The following CFAP70 variants were observed in gnomAD, a reference collection of about 807,000 sequenced individuals.
CFAP70 encodes the protein cilia- and flagella-associated protein 70.
In CFAP70, 81 loss-of-function variants were observed where a neutral mutation model predicts 137.6. The ratio of observed to expected loss-of-function variants is 0.59; its 90% confidence interval spans 0.49 to 0.71. The LOEUF (loss-of-function observed/expected upper bound fraction) is 0.71, where lower values mean the gene tolerates loss of function less well. Among genes scored for constraint, CFAP70 ranks in the 30% least tolerant of loss-of-function variants. The pLI, the probability that CFAP70 is intolerant of heterozygous loss-of-function variation, is 0.00. For synonymous variants in CFAP70, 382 were observed against 423.6 expected (o/e 0.90, Z 1.20); for missense variants, 976 against 1,226.7 (o/e 0.80, Z 3.05).
rs377634166 is a variant in CFAP70 at position 73,278,328 on chromosome 10, G to A, written c.2249C>T (p.Ala750Val). The A allele has an allele frequency of 3.7e-6, 6 of 1,613,216 alleles. No homozygotes were observed. The East Asian group carries it at 1.3e-4, about 36-fold the overall frequency. Residue 750 changes from alanine (A) to valine (V), a missense_variant, in exon 20 of 27, where the codon GCT becomes GTT. Physicochemically the swap from Ala to Val is moderately conservative, Grantham distance 64. Coordinates refer to ENST00000310715, the Ensembl canonical transcript of CFAP70. ...AAATTTGTCTAGAATAGATAATGCA[G>A]CTCCTGGTCCTAAATAGATTACATT...
chr10:73,332,491 G>A (rs922697860), intron 7 of CFAP70, among the ~76,000 whole-genome samples: 1 of 152,070 alleles, frequency 6.6e-6, no homozygotes, highest in African/African-American at 2.4e-5. Context: ...CTTCCACAGG[G>A]ATAGGAGGAA....
At position 73,348,414 on chromosome 10, in the gene CFAP70, A is replaced by G; in HGVS notation, c.349+9T>C. On this transcript the variant is annotated intron_variant, in intron 4 of 26. Transcript: ENST00000310715. ...CCATTTCTGCTTTTGGGCAAAGCAC[A>G]CATCTGACCTTCCAGTAAGGGAAGA... is the stretch of plus-strand genomic sequence containing the variant. 1 of 1,603,368 alleles carries G rather than the reference A, an allele frequency of 6.2e-7. No individual in the cohort carries two copies. Among genetic ancestry groups the G allele is most frequent in the Non-Finnish European group, 8.5e-7 (1 of 1,171,746 alleles).
At chr10:73,273,144 A>G in intron 23 of CFAP70, 127 bp from the exon 25 acceptor site, 1 of 746,934 alleles carries the variant, frequency 1.3e-6, no homozygotes. Flanking sequence ...CTTTAATTGT[A>G]CTTTGACGTC....
intron 24 of CFAP70, 41 bp downstream of exon 25, chr10:73,272,887 G>A: frequency 6.6e-7 from 1 of 1,515,758 alleles, no homozygotes; most frequent in South Asian, 1.2e-5. Context: ...ATCAAGGTCA[G>A]CTGTATCCAC....
rs148461676 is a variant in CFAP70 at position 73,315,063 on chromosome 10, G to C, written c.913-2420C>G. On this transcript the variant is annotated intron_variant, in intron 9 of 26. Transcript: ENST00000310715. ...ACTGTCTCTACAAAAAAAATTTTTT[G>C]TTTTAATTAGCTGGATGTGGTGGCA... Among the ~76,000 whole-genome samples the C allele has an allele frequency of 3.1e-4, 47 of 151,800 alleles. No individual in the cohort carries two copies. In the East Asian group the frequency reaches 8.6e-3, roughly 28 times the overall value.
exon 16 of CFAP70, chr10:73,293,371 G>A: frequency 6.2e-7 from 1 of 1,604,542 alleles, no homozygotes; most frequent in Non-Finnish European, 8.5e-7. Context: ...CAGTGCCTTG[G>A]ACATCATCTG....
intron 3 of CFAP70, among the ~76,000 whole-genome samples, chr10:73,348,995 G>A (rs1187382197): frequency 2.0e-5 from 3 of 151,302 alleles, no homozygotes; most frequent in African/African-American, 7.3e-5. Context: ...CTGGGAGGCA[G>A]AGGTTGCAGT....
chr10:73,362,675 A>G (rs1171365241), upstream of CFAP70, among the ~76,000 whole-genome samples: 1 of 152,094 alleles, frequency 6.6e-6, no homozygotes, highest in Non-Finnish European at 1.5e-5. Context: ...TTTTGGTGGA[A>G]TCTTTAGGGT....
intron 8 of CFAP70, among the ~76,000 whole-genome samples, chr10:73,329,551 G>A (rs2051853658): frequency 6.6e-6 from 1 of 152,070 alleles, no homozygotes; most frequent in East Asian, 1.9e-4. Context: ...AGTAAAGGCA[G>A]TAGTTGAATC....
At chr10:73,277,281 T>C (rs2046828183) in exon 21 of CFAP70, 3 of 1,614,060 alleles carry the variant, frequency 1.9e-6, no homozygotes, top group Non-Finnish European at 1.7e-6. Flanking sequence ...ATGGTCTCCA[T>C]GAAGATGGTG....
intron 5 of CFAP70, among the ~76,000 whole-genome samples, chr10:73,343,252 T>C (rs1412730989): frequency 6.7e-6 from 1 of 148,812 alleles, no homozygotes; most frequent in Non-Finnish European, 1.5e-5. Context: ...AGTCTAAAAG[T>C]GCCAGAACTG....
intron 8 of CFAP70, among the ~76,000 whole-genome samples, chr10:73,329,040 CAT>C (rs1157443369): frequency 2.1e-4 from 32 of 151,810 alleles, no homozygotes; most frequent in African/African-American, 7.3e-4. Flanking sequence ...CACATGCACA[CAT>C]ATGTTTATTG....
At chr10:73,269,665 C>A in exon 25 of CFAP70, 1 of 1,613,826 alleles carries the variant, frequency 6.2e-7, no homozygotes, top group South Asian at 1.1e-5. Flanking sequence ...TGTAGTTGTT[C>A]AATGCATTGG....
At chr10:73,278,897 C>G (rs2047008864) in intron 19 of CFAP70, among the ~76,000 whole-genome samples, 1 of 149,062 alleles carries the variant, frequency 6.7e-6, no homozygotes, top group Non-Finnish European at 1.5e-5. Context: ...AGGAGAATGG[C>G]GTGAACCCAG....
intron 8 of CFAP70, among the ~76,000 whole-genome samples, chr10:73,329,272 T>C (rs1398896144): frequency 6.6e-6 from 1 of 151,862 alleles, no homozygotes; most frequent in Non-Finnish European, 1.5e-5. Flanking sequence ...TTCTCACTCA[T>C]AGGTGGGAAC....
chr10:73,287,053 C>A (rs2047777111), intron 19 of CFAP70, among the ~76,000 whole-genome samples: 1 of 152,186 alleles, frequency 6.6e-6, no homozygotes, highest in Non-Finnish European at 1.5e-5. Context: ...GGCGTTGTGG[C>A]CATCACAACA....
At chr10:73,328,664 C>T (rs1589506010) in intron 8 of CFAP70, among the ~76,000 whole-genome samples, 1 of 141,994 alleles carries the variant, frequency 7.0e-6, no homozygotes, top group Admixed American at 7.0e-5. Flanking sequence ...ACAACCCCAT[C>T]AAAAAGTGGG....
At chr10:73,255,019 T>G (rs2044329027) in intron 26 of CFAP70, among the ~76,000 whole-genome samples, 2 of 152,164 alleles carry the variant, frequency 1.3e-5, no homozygotes, top group Admixed American at 6.5e-5. Flanking sequence ...TTCCAACAGT[T>G]TGGGAGGCTG....
rs186419714 is a variant in CFAP70, at chr10:73,257,639, A to G, written c.3028-1223T>C. On this transcript the variant is annotated intron_variant, in intron 25 of 26. Coordinates refer to ENST00000310715, the Ensembl canonical transcript of CFAP70. ...ACACCCTAAACCCTTACTTCCTCCA[A>G]ATCTACACTTTGAAATGTTCCCAAC... Among the ~76,000 whole-genome samples, 9 of 150,068 alleles carry G rather than the reference A, an allele frequency of 6.0e-5. No homozygotes were observed. The East Asian group carries it at 9.9e-4, about 17-fold the overall frequency.
Sources: gnomAD v4.1 joint callset for allele counts (sites outside exome capture counted in the v4.1 genomes callset) on GRCh38, gnomAD v4.1.1 for gene constraint, MANE v1.5 for transcripts, NCBI Gene and HGNC (gene_info 2026-07-23, HGNC 2026-07-21) for gene names.